The following CSMD2 variants were observed in gnomAD, a reference collection of about 807,000 sequenced individuals.
The protein encoded by CSMD2 is CUB and sushi domain-containing protein 2.
A neutral mutation model predicts 398.5 loss-of-function variants in CSMD2; 130 were observed. That is an observed-to-expected ratio of 0.33 (90% CI 0.28 to 0.38). The LOEUF (loss-of-function observed/expected upper bound fraction) is 0.38. Ranked by LOEUF, CSMD2 falls within the 10% of genes least tolerant of loss-of-function variation. The probability of loss-of-function intolerance (pLI) is 1.00; values close to 1 mark genes in which losing one functional copy is unlikely to be tolerated. For missense variants in CSMD2, 3,829 were observed against 4,764.9 expected (o/e 0.80, Z 5.78); for synonymous variants, 1,828 against 1,908.5 (o/e 0.96, Z 1.10).
At chr1:34,045,166 T>C (rs1268056887) in intron 2 of CSMD2, among the ~76,000 whole-genome samples, 1 of 152,140 alleles carries the variant, frequency 6.6e-6, no homozygotes, top group African/African-American at 2.4e-5. Flanking sequence ...ATCTAGGCTT[T>C]TTGTGCCTTT....
chr1:34,147,557 A>T (rs866032664), intron 1 of CSMD2, among the ~76,000 whole-genome samples: 1 of 152,130 alleles, frequency 6.6e-6, no homozygotes, highest in Non-Finnish European at 1.5e-5. Flanking sequence ...GCCAGGTAAC[A>T]GGTGCTGAGA....
At chr1:34,141,923 G>A (rs1465678091) in intron 1 of CSMD2, among the ~76,000 whole-genome samples, 1 of 152,134 alleles carries the variant, frequency 6.6e-6, no homozygotes, top group East Asian at 1.9e-4. Flanking sequence ...GAGCCAACAG[G>A]ATTTGCTCAT....
chr1:34,035,977 C>G (rs1298934569), intron 2 of CSMD2, among the ~76,000 whole-genome samples: 3 of 152,144 alleles, frequency 2.0e-5, no homozygotes, highest in Non-Finnish European at 4.4e-5. Flanking sequence ...TTACTACATA[C>G]CCATTGGAAC....
chr1:34,156,466 C>A (rs2148570736), intron 1 of CSMD2, among the ~76,000 whole-genome samples: 1 of 152,312 alleles, frequency 6.6e-6, no homozygotes, highest in Non-Finnish European at 1.5e-5. Context: ...ATTTCAAAGT[C>A]TCTGCTTTTT....
At chr1:34,123,710 C>T (rs1662451585) in intron 1 of CSMD2, among the ~76,000 whole-genome samples, 6 of 151,962 alleles carry the variant, frequency 3.9e-5, no homozygotes, top group Middle Eastern at 3.4e-3. Flanking sequence ...GTGTCCACTG[C>T]TTAATGTGTG....
At chr1:34,034,469 C>G (rs1650863129) in intron 2 of CSMD2, among the ~76,000 whole-genome samples, 3 of 152,262 alleles carry the variant, frequency 2.0e-5, no homozygotes, top group South Asian at 4.1e-4. Context: ...CTCCCAGCAG[C>G]CTTTTTATCA....
intron 7 of CSMD2, among the ~76,000 whole-genome samples, chr1:33,823,098 G>A (rs1410667095): frequency 6.6e-6 from 1 of 152,178 alleles, no homozygotes; most frequent in Admixed American, 6.5e-5. Flanking sequence ...GGACTCAAGA[G>A]GCGAGACCAT....
chr1:33,705,402 T>C (rs1274765047), intron 22 of CSMD2, among the ~76,000 whole-genome samples: 1 of 152,170 alleles, frequency 6.6e-6, no homozygotes, highest in Non-Finnish European at 1.5e-5. Flanking sequence ...GACCATTATC[T>C]CCCCATTCCC....
At chr1:34,037,110 TA>T (rs962692831) in intron 2 of CSMD2, among the ~76,000 whole-genome samples, 19 of 120,888 alleles carry the variant, frequency 1.6e-4, no homozygotes, top group African/African-American at 5.5e-4. Flanking sequence ...CCTCTACCAA[TA>T]AAAAATTAAA....
rs921844385 is a variant in CSMD2, at chr1:33,743,277, C to T, written c.2173+3G>A. 1.2e-5 allele frequency: 19 copies of T among 1,590,626 alleles called. No homozygotes were observed. The highest frequency in any genetic ancestry group is 1.6e-5 in the Non-Finnish European group (19 of 1,165,930). ...GCCAGCTGGTGACAGAGGGAGGACT[C>T]ACTGGTAAAAGTGATGTTGAAGCCC... is the stretch of plus-strand genomic sequence containing the variant. On this transcript the variant is annotated splice_donor_region_variant and intron_variant, in intron 14 of 70. Coordinates refer to ENST00000373381, the MANE Select transcript of CSMD2 (RefSeq NM_001281956.2).
intron 35 of CSMD2, among the ~76,000 whole-genome samples, 162 bp from the exon 36 acceptor site, chr1:33,623,628 C>T (rs541541309): frequency 3.9e-5 from 6 of 152,226 alleles, no homozygotes; most frequent in South Asian, 2.1e-4. Context: ...GATGCAGAAC[C>T]GACTCCAAGG....
chr1:33,750,163 G>A (rs1362813913), intron 13 of CSMD2, among the ~76,000 whole-genome samples: 1 of 151,626 alleles, frequency 6.6e-6, no homozygotes, highest in Non-Finnish European at 1.5e-5. Flanking sequence ...TTACTAAGAT[G>A]AAAAGTGTCC....
At chr1:33,729,615 A>T (rs888366332) in intron 15 of CSMD2, among the ~76,000 whole-genome samples, 8 of 151,156 alleles carry the variant, frequency 5.3e-5, no homozygotes, top group African/African-American at 1.9e-4. Context: ...TATCTCCTAA[A>T]GCTATCCCTC....
Position 33,964,737 on chromosome 1 carries a change from G to C in CSMD2, c.518-28783C>G, listed in dbSNP as rs997711174. On this transcript the variant is annotated intron_variant, in intron 3 of 70. Transcript: ENST00000373381. ...AGACCCCAGAAGTGAGGCCTTCCTG[G>C]CCCTAGATGGTTGAGGGGTAGGGCG... Among the ~76,000 whole-genome samples the C allele has an allele frequency of 3.3e-5, 5 of 152,124 alleles. 1 individual carries two copies. In the Middle Eastern group the frequency reaches 0.01, roughly 310 times the overall value.
chr1:33,579,006 C>T (rs548757857), intron 48 of CSMD2, among the ~76,000 whole-genome samples: 14 of 152,300 alleles, frequency 9.2e-5, no homozygotes, highest in East Asian at 5.8e-4. Flanking sequence ...CAGTGACAGA[C>T]GCAGGTGCAA....
intron 22 of CSMD2, 58 bp downstream of exon 22, chr1:33,709,031 G>T: frequency 7.0e-7 from 1 of 1,425,572 alleles, no homozygotes; most frequent in Non-Finnish European, 9.6e-7. Context: ...AAAGGAGTGA[G>T]TATTGACTAG....
At chr1:33,809,630 G>C (rs964272586) in intron 10 of CSMD2, among the ~76,000 whole-genome samples, 1 of 151,850 alleles carries the variant, frequency 6.6e-6, no homozygotes, top group Admixed American at 6.6e-5. Context: ...GACCATAGGG[G>C]TCACCATCAT....
At chr1:34,015,803 T>A (rs1291273220) in intron 3 of CSMD2, among the ~76,000 whole-genome samples, 1 of 152,154 alleles carries the variant, frequency 6.6e-6, no homozygotes, top group Non-Finnish European at 1.5e-5. Context: ...GACTCCTAGA[T>A]TTGTCATGGA....
chr1:33,802,566 C>T (rs561897333), intron 10 of CSMD2, among the ~76,000 whole-genome samples: 1 of 152,250 alleles, frequency 6.6e-6, no homozygotes, highest in African/African-American at 2.4e-5. Context: ...AGCAGAGGTC[C>T]TACAAGGGAG....
Sources: gnomAD v4.1 joint callset for allele counts (sites outside exome capture counted in the v4.1 genomes callset) on GRCh38, gnomAD v4.1.1 for gene constraint, MANE v1.5 for transcripts, NCBI Gene and HGNC (gene_info 2026-07-23, HGNC 2026-07-21) for gene names.